Variants in FAM117A observed in about 807,000 individuals in gnomAD.
FAM117A encodes the protein family with sequence similarity 117 member A, also known as protein FAM117A.
A neutral mutation model predicts 44.1 loss-of-function variants in FAM117A; 21 were observed. That is an observed-to-expected ratio of 0.48 (90% CI 0.34 to 0.69). FAM117A has a LOEUF of 0.69. Ranked by LOEUF, FAM117A falls within the 30% of genes least tolerant of loss-of-function variation. The pLI, the probability that FAM117A is intolerant of heterozygous loss-of-function variation, is 0.01. For synonymous variants in FAM117A, 220 were observed against 238.3 expected, an observed-to-expected ratio of 0.92 and a Z score of 0.71; for missense variants, 498 against 589.9, an observed-to-expected ratio of 0.84 and a Z score of 1.61.
chr17:49,754,992 C>T (rs2073692771), intron 1 of FAM117A, among the ~76,000 whole-genome samples: 1 of 147,974 alleles, frequency 6.8e-6, no homozygotes, highest in Admixed American at 6.8e-5. Context: ...GAGCCGAGAT[C>T]GCACCATTGC....
At chr17:49,715,490 C>T (rs753755524) in intron 7 of FAM117A, among the ~76,000 whole-genome samples, 9 of 152,134 alleles carry the variant, frequency 5.9e-5, no homozygotes, top group Non-Finnish European at 1.2e-4. Flanking sequence ...TGCCTGCTAA[C>T]GGGGACAGGG....
At chr17:49,757,500 G>A (rs961833784) in intron 1 of FAM117A, among the ~76,000 whole-genome samples, 2 of 152,200 alleles carry the variant, frequency 1.3e-5, no homozygotes, top group African/African-American at 2.4e-5. Flanking sequence ...GGAAAGCACA[G>A]TGCCAGGCAG....
intron 1 of FAM117A, among the ~76,000 whole-genome samples, chr17:49,781,841 G>A (rs1030461456): frequency 6.6e-6 from 1 of 152,104 alleles, no homozygotes; most frequent in Non-Finnish European, 1.5e-5. Flanking sequence ...GCGGGGTATG[G>A]TGGCATGTGC....
intron 7 of FAM117A, among the ~76,000 whole-genome samples, chr17:49,715,932 T>A (rs1036518500): frequency 1.3e-5 from 2 of 152,254 alleles, no homozygotes; most frequent in African/African-American, 2.4e-5. Flanking sequence ...CAGCTCCTGC[T>A]GCGCTTGTGG....
chr17:49,770,534 G>A lies in FAM117A; in HGVS notation c.-621+17963C>T, dbSNP rs893947680. ...ATTACCTGCCAATGGACACTTTTTC[G>A]AACTCTTTGGGGTGATGGGAATGTT... On this transcript the variant is annotated intron_variant, in intron 1 of 7. Transcript: ENST00000513602. Among the ~76,000 whole-genome samples, 12 of 152,258 alleles carry A rather than the reference G, an allele frequency of 7.9e-5. No individual in the cohort carries two copies. The South Asian group carries it at 2.3e-3, about 29-fold the overall frequency.
intron 2 of FAM117A, among the ~76,000 whole-genome samples, chr17:49,728,324 C>T (rs2073569176): frequency 6.6e-6 from 1 of 151,964 alleles, no homozygotes; most frequent in Admixed American, 6.6e-5. Flanking sequence ...AGGGGAAAGA[C>T]ACAGGAAGAG....
intron 1 of FAM117A, among the ~76,000 whole-genome samples, chr17:49,783,131 A>G (rs971198704): frequency 8.5e-5 from 13 of 152,352 alleles, no homozygotes; most frequent in African/African-American, 3.1e-4. Context: ...CCCAGGAGAG[A>G]CAGTCTGTTA....
At chr17:49,770,011 C>T (rs577767709) in intron 1 of FAM117A, among the ~76,000 whole-genome samples, 2 of 152,184 alleles carry the variant, frequency 1.3e-5, no homozygotes, top group South Asian at 2.1e-4. Flanking sequence ...GTGGCTCACA[C>T]CTGTAATCCC....
chr17:49,787,253 T>C (rs1435266227), intron 1 of FAM117A, among the ~76,000 whole-genome samples: 1 of 152,182 alleles, frequency 6.6e-6, no homozygotes, highest in Non-Finnish European at 1.5e-5. Flanking sequence ...TGAAATTAAA[T>C]GCTTAAGTGG....
intron 1 of FAM117A, among the ~76,000 whole-genome samples, chr17:49,756,817 GA>G (rs1429043877): frequency 2.0e-5 from 3 of 151,600 alleles, no homozygotes; most frequent in Non-Finnish European, 4.4e-5. Flanking sequence ...TTGCGAGGCT[GA>G]GGCAGGAGAA....
chr17:49,719,922 C>T (rs767012921), intron 4 of FAM117A, 28 bp from the exon 5 acceptor site: 1 of 1,591,456 alleles, frequency 6.3e-7, no homozygotes, highest in Non-Finnish European at 8.5e-7. Context: ...GACAAAATCA[C>T]ACACAGCCCC....
Position 49,778,435 on chromosome 17 carries a change from C to T in FAM117A, c.-621+10062G>A, listed in dbSNP as rs574714364. Among the ~76,000 whole-genome samples the T allele has an allele frequency of 2.6e-4, 40 of 152,300 alleles. No homozygotes were observed. The South Asian group carries it at 4.1e-3, about 16-fold the overall frequency. On this transcript the variant is annotated intron_variant, in intron 1 of 7. Coordinates refer to the FAM117A transcript ENST00000513602. Reference sequence around the variant, plus strand: ...TTGAAAACAAATCTGCATGTATCTCCTTTATATTTTCATATACATGGATCA... The same window carrying T: ...TTGAAAACAAATCTGCATGTATCTCTTTTATATTTTCATATACATGGATCA...
chr17:49,778,454 T>G (rs929854341), intron 1 of FAM117A, among the ~76,000 whole-genome samples: 2 of 152,254 alleles, frequency 1.3e-5, no homozygotes, highest in East Asian at 3.8e-4. Context: ...TTCATATACA[T>G]GGATCATGAT....
At chr17:49,718,675 A>G (rs2073517267) in intron 5 of FAM117A, among the ~76,000 whole-genome samples, 1 of 149,652 alleles carries the variant, frequency 6.7e-6, no homozygotes, top group Non-Finnish European at 1.5e-5. Context: ...TGTCTCAAAA[A>G]AAAAAAAGAA....
intron 1 of FAM117A, among the ~76,000 whole-genome samples, chr17:49,763,423 G>T (rs1436867684): frequency 6.6e-6 from 1 of 151,998 alleles, no homozygotes; most frequent in Non-Finnish European, 1.5e-5. Context: ...TCAAGCTGGA[G>T]AAGTAACACA....
chr17:49,782,964 G>A (rs765818731), intron 1 of FAM117A, among the ~76,000 whole-genome samples: 2 of 152,154 alleles, frequency 1.3e-5, no homozygotes, highest in African/African-American at 4.8e-5. Flanking sequence ...ATGTATAAAT[G>A]AAAATGCCTG....
chr17:49,722,380 C>T, intron 3 of FAM117A, 119 bp downstream of exon 3: 2 of 810,126 alleles, frequency 2.5e-6, no homozygotes, highest in Non-Finnish European at 3.9e-6. Flanking sequence ...CAGGAAAAGG[C>T]CAGGTCAAGA....
At chr17:49,779,315 T>C (rs2073783136) in intron 1 of FAM117A, among the ~76,000 whole-genome samples, 1 of 152,230 alleles carries the variant, frequency 6.6e-6, no homozygotes. Flanking sequence ...TACAGTTGTC[T>C]GGAAGGAGAA....
At chr17:49,756,113 G>C (rs781449466) in intron 1 of FAM117A, among the ~76,000 whole-genome samples, 2 of 152,126 alleles carry the variant, frequency 1.3e-5, no homozygotes, top group Admixed American at 6.5e-5. Context: ...ACTTTTGAAA[G>C]GGAAAGGAAA....
Sources: gnomAD v4.1 joint callset for allele counts (sites outside exome capture counted in the v4.1 genomes callset) on GRCh38, gnomAD v4.1.1 for gene constraint, MANE v1.5 for transcripts, NCBI Gene and HGNC (gene_info 2026-07-23, HGNC 2026-07-21) for gene names.